Variants in KLRF1 observed in about 807,000 individuals in gnomAD.
KLRF1 encodes the protein killer cell lectin-like receptor subfamily F member 1.
A neutral mutation model predicts 30.7 loss-of-function variants in KLRF1; 27 were observed. The ratio of observed to expected loss-of-function variants is 0.88; its 90% CI spans 0.65 to 1.21. The LOEUF is 1.21. KLRF1 is among the 50% of genes most tolerant of loss of function. The probability of loss-of-function intolerance (pLI) is 0.00; values close to 1 mark genes in which losing one functional copy is unlikely to be tolerated. For missense variants in KLRF1, 246 were observed against 259.3 expected, an observed-to-expected ratio of 0.95 and a Z score of 0.35; for synonymous variants, 92 against 89.3, an observed-to-expected ratio of 1.03 and a Z score of -0.17.
At chr12:9,833,901 CTTTT>C (rs35443913) in intron 3 of KLRF1, among the ~76,000 whole-genome samples, 7 of 82,402 alleles carry the variant, frequency 8.5e-5, no homozygotes, top group African/African-American at 3.9e-4. Context: ...AAATGTTTAA[CTTTT>C]TTTTTTTTTT....
intron 3 of KLRF1, 109 bp from the exon 4 acceptor site, chr12:9,841,703 A>G: frequency 2.7e-6 from 2 of 744,418 alleles, no homozygotes; most frequent in East Asian, 3.1e-5. Flanking sequence ...AAGTGATTTT[A>G]TTGTAGCTCA....
the KLRF1 span, among the ~76,000 whole-genome samples, chr12:9,811,707 C>T: frequency 0.56 from 84,656 of 151,978 alleles, 26,164 homozygotes; most frequent in Non-Finnish European, 0.68. Flanking sequence ...GAAAAATAAC[C>T]CTAGAATTAG....
chr12:9,804,608 A>G, the KLRF1 span, among the ~76,000 whole-genome samples: 1 of 152,032 alleles, frequency 6.6e-6, no homozygotes, highest in Admixed American at 6.6e-5. Context: ...TAAATTGTAT[A>G]TGGTGTAGCA....
chr12:9,841,544 G>T (rs2121238073), intron 3 of KLRF1, among the ~76,000 whole-genome samples: 1 of 151,970 alleles, frequency 6.6e-6, no homozygotes, highest in South Asian at 2.1e-4. Flanking sequence ...ATTTTATTTT[G>T]TTCATGCTAT....
At chr12:9,811,216 G>A in the KLRF1 span, among the ~76,000 whole-genome samples, 2 of 144,360 alleles carry the variant, frequency 1.4e-5, no homozygotes, top group Non-Finnish European at 3.0e-5. Context: ...TGAGGGGTGA[G>A]GTACAGTGAT....
chr12:9,807,989 C>T, the KLRF1 span, among the ~76,000 whole-genome samples: 2 of 152,058 alleles, frequency 1.3e-5, no homozygotes, highest in Non-Finnish European at 2.9e-5. Flanking sequence ...CTTACAGTAC[C>T]AATTTCTTAT....
At chr12:9,825,679 T>C (rs756900615), upstream of KLRF1, among the ~76,000 whole-genome samples, 1 of 152,070 alleles carries the variant, frequency 6.6e-6, no homozygotes, top group Admixed American at 6.5e-5. Flanking sequence ...ACAAAATAAT[T>C]AACTGTAAGA....
chr12:9,844,703 A>G lies in KLRF1; in HGVS notation c.*177A>G. 1 of 460,496 alleles carries G rather than the reference A, an allele frequency of 2.2e-6. No individual in the cohort carries two copies. Among genetic ancestry groups the G allele is most frequent in the Non-Finnish European group, 3.9e-6 (1 of 254,446 alleles). 28.5% of individuals were successfully genotyped at this position (460,496 alleles called of 1,614,324 possible). A position where few individuals can be genotyped will look rare whatever the true frequency, so the allele number is the denominator to read the frequency against. On this transcript the variant is annotated 3_prime_UTR_variant, in exon 6 of 6. Transcript: ENST00000617889. The stretch of plus-strand genomic sequence containing the variant: ...TCAGAGTAACCCCTGTTAACAAACT[A>G]AAATGTACACTTCAAAATTTTTACG...
chr12:9,827,524 A>G lies in KLRF1; in HGVS notation c.-21A>G. The stretch of plus-strand genomic sequence containing the variant: ...TAAAACAAAACATACCTGTATACAC[A>G]CACATTCACTCACATTGAAGATGCA... On this transcript the variant is annotated 5_prime_UTR_variant, in exon 1 of 6. Transcript: ENST00000617889. 1 of 1,437,100 alleles carries G rather than the reference A, an allele frequency of 7.0e-7. No homozygotes were observed. Among genetic ancestry groups the G allele is most frequent in the South Asian group, 1.2e-5 (1 of 85,532 alleles). The allele number at this position is 1,437,100 out of a possible 1,614,324, so 89.0% of individuals were successfully genotyped here. A position where few individuals can be genotyped will look rare whatever the true frequency, so the allele number is the denominator to read the frequency against.
At chr12:9,841,489 T>C (rs2121237835) in intron 3 of KLRF1, among the ~76,000 whole-genome samples, 1 of 152,220 alleles carries the variant, frequency 6.6e-6, no homozygotes, top group East Asian at 1.9e-4. Context: ...TGTGGATAAA[T>C]TCTAAGTGAT....
At chr12:9,841,170 A>G (rs150204304) in intron 3 of KLRF1, among the ~76,000 whole-genome samples, 1 of 152,264 alleles carries the variant, frequency 6.6e-6, no homozygotes, top group African/African-American at 2.4e-5. Flanking sequence ...AGAAACATGG[A>G]TGGAGCTGGA....
chr12:9,821,833 G>A, the KLRF1 span, among the ~76,000 whole-genome samples: 1 of 152,220 alleles, frequency 6.6e-6, no homozygotes, highest in African/African-American at 2.4e-5. Flanking sequence ...CTGATCAAGA[G>A]CCAACCAACT....
chr12:9,815,931 G>C, the KLRF1 span, among the ~76,000 whole-genome samples: 2 of 152,162 alleles, frequency 1.3e-5, no homozygotes, highest in Non-Finnish European at 2.9e-5. Flanking sequence ...TGATTCTCCT[G>C]CTTCAGCCTC....
chr12:9,832,108 A>ACGTAT (rs145633130), intron 1 of KLRF1, among the ~76,000 whole-genome samples: 5 of 152,328 alleles, frequency 3.3e-5, no homozygotes, highest in African/African-American at 1.2e-4. Flanking sequence ...TTGATATGAC[A>ACGTAT]CGTATCATAG....
At chr12:9,805,744 C>A in the KLRF1 span, among the ~76,000 whole-genome samples, 1 of 151,962 alleles carries the variant, frequency 6.6e-6, no homozygotes, top group Admixed American at 6.6e-5. Context: ...GACTTTTCAT[C>A]AGTTGAATCT....
At chr12:9,803,346 A>G in the KLRF1 span, among the ~76,000 whole-genome samples, 120 of 152,170 alleles carry the variant, frequency 7.9e-4, no homozygotes, top group African/African-American at 2.6e-3. Flanking sequence ...GAAACCCAAA[A>G]CCATAAAAAC....
the KLRF1 span, among the ~76,000 whole-genome samples, chr12:9,820,903 T>TAA: frequency 6.6e-6 from 1 of 152,016 alleles, no homozygotes; most frequent in East Asian, 1.9e-4. Flanking sequence ...CCTGAGAACT[T>TAA]ACACCCCCTA....
At chr12:9,843,123 A>C (rs915939811) in intron 5 of KLRF1, among the ~76,000 whole-genome samples, 2 of 152,194 alleles carry the variant, frequency 1.3e-5, no homozygotes, top group African/African-American at 4.8e-5. Context: ...CAATTAAATC[A>C]CAAGGGTCCT....
the KLRF1 span, among the ~76,000 whole-genome samples, chr12:9,819,040 G>A: frequency 6.6e-6 from 1 of 152,188 alleles, no homozygotes; most frequent in Non-Finnish European, 1.5e-5. Context: ...GGGAAGCAGT[G>A]AGTGACTGAG....
Sources: gnomAD v4.1 joint callset for allele counts (sites outside exome capture counted in the v4.1 genomes callset) on GRCh38, gnomAD v4.1.1 for gene constraint, MANE v1.5 for transcripts, NCBI Gene and HGNC (gene_info 2026-07-23, HGNC 2026-07-21) for gene names.